B3GALT1: variants seen among roughly 807,000 people sequenced by gnomAD.
B3GALT1 encodes UDP-Gal:betaGlcNAc beta 1,3-galactosyltransferase, polypeptide 1.
A neutral mutation model predicts 23.2 loss-of-function variants in B3GALT1; 10 were observed. That is an observed-to-expected ratio of 0.43 (90% CI 0.27 to 0.73). The LOEUF (loss-of-function observed/expected upper bound fraction) is 0.73, where lower values mean the gene tolerates loss of function less well. B3GALT1 is among the 30% of genes least tolerant of loss of function. The pLI, the probability that B3GALT1 is intolerant of heterozygous loss-of-function variation, is 0.21. For missense variants in B3GALT1, 299 were observed against 405.4 expected (o/e 0.74, Z 2.25); for synonymous variants, 156 against 141.5 (o/e 1.10, Z -0.73).
At chr2:167,350,559 A>G (rs1176556198) in intron 1 of B3GALT1, among the ~76,000 whole-genome samples, 1 of 152,192 alleles carries the variant, frequency 6.6e-6, no homozygotes, top group African/African-American at 2.4e-5. Context: ...CTTAGAGCAC[A>G]TCTAGTACAC....
intron 2 of B3GALT1, among the ~76,000 whole-genome samples, chr2:167,492,135 C>T (rs986483642): frequency 6.6e-6 from 1 of 152,174 alleles, no homozygotes; most frequent in Non-Finnish European, 1.5e-5. Flanking sequence ...CTCTGATTCC[C>T]TCTTCTCTCC....
chr2:167,340,935 A>G (rs2105247686), intron 1 of B3GALT1, among the ~76,000 whole-genome samples: 1 of 152,328 alleles, frequency 6.6e-6, no homozygotes, highest in East Asian at 1.9e-4. Flanking sequence ...TCAAGATTAC[A>G]AAGGAAATAG....
chr2:167,457,666 T>C (rs1559103143), intron 1 of B3GALT1, among the ~76,000 whole-genome samples: 1 of 152,170 alleles, frequency 6.6e-6, no homozygotes, highest in Non-Finnish European at 1.5e-5. Context: ...AAGCAAATTC[T>C]GAGGACCAGC....
intron 2 of B3GALT1, among the ~76,000 whole-genome samples, chr2:167,589,585 A>C (rs892058338): frequency 6.6e-6 from 1 of 152,182 alleles, no homozygotes; most frequent in Non-Finnish European, 1.5e-5. Flanking sequence ...CAAATTTAAT[A>C]TTCCAGTTTT....
At chr2:167,491,503 TTAAC>T (rs1182195308) in intron 2 of B3GALT1, among the ~76,000 whole-genome samples, 3 of 140,778 alleles carry the variant, frequency 2.1e-5, no homozygotes, top group Non-Finnish European at 1.5e-5. Context: ...TTTTTTTTCA[TTAAC>T]AGACTTTTTA....
At chr2:167,560,676 CTT>C (rs1683962530) in intron 2 of B3GALT1, among the ~76,000 whole-genome samples, 1 of 151,618 alleles carries the variant, frequency 6.6e-6, no homozygotes. Context: ...ATAAAACAGA[CTT>C]TAAACCAACA....
At chr2:167,448,245 G>A (rs974193772) in intron 1 of B3GALT1, among the ~76,000 whole-genome samples, 5 of 151,930 alleles carry the variant, frequency 3.3e-5, no homozygotes, top group Admixed American at 6.6e-5. Context: ...TACCAGCAGT[G>A]GAAAAGTGTT....
intron 3 of B3GALT1, among the ~76,000 whole-genome samples, chr2:167,702,595 T>G (rs763362818): frequency 1.4e-4 from 21 of 152,212 alleles, no homozygotes; most frequent in Non-Finnish European, 2.4e-4. Flanking sequence ...TAACATTATG[T>G]GATGATTACA....
intron 2 of B3GALT1, among the ~76,000 whole-genome samples, chr2:167,627,871 T>C (rs984010936): frequency 4.3e-4 from 66 of 151,762 alleles, no homozygotes; most frequent in Admixed American, 3.2e-3. Flanking sequence ...ATTATGAGTA[T>C]TCATATGAAT....
intron 2 of B3GALT1, among the ~76,000 whole-genome samples, chr2:167,562,075 A>G (rs1179033190): frequency 2.0e-5 from 3 of 152,204 alleles, no homozygotes; most frequent in Admixed American, 6.5e-5. Context: ...CTGGCAAACC[A>G]ATTCCAGCAG....
At chr2:167,433,987 G>T (rs1698741006) in intron 1 of B3GALT1, among the ~76,000 whole-genome samples, 1 of 151,014 alleles carries the variant, frequency 6.6e-6, no homozygotes, top group South Asian at 2.1e-4. Context: ...GATATAATTT[G>T]GCAGATCACA....
At chr2:167,776,220 A>G (rs1054321794) in intron 3 of B3GALT1, among the ~76,000 whole-genome samples, 4 of 152,166 alleles carry the variant, frequency 2.6e-5, no homozygotes, top group African/African-American at 7.2e-5. Flanking sequence ...AGATACTTTG[A>G]TATTGAATGA....
intron 1 of B3GALT1, among the ~76,000 whole-genome samples, chr2:167,349,080 G>A (rs1050315496): frequency 5.3e-5 from 8 of 152,170 alleles, no homozygotes; most frequent in African/African-American, 1.9e-4. Context: ...ATAGGTAACT[G>A]TATACAGTAC....
intron 3 of B3GALT1, among the ~76,000 whole-genome samples, chr2:167,757,793 A>C (rs983057995): frequency 5.3e-5 from 8 of 152,100 alleles, no homozygotes; most frequent in African/African-American, 1.9e-4. Flanking sequence ...TCTGGGGTGC[A>C]CCTTATAAAG....
chr2:167,699,284 AG>A (rs1478742482), intron 3 of B3GALT1, among the ~76,000 whole-genome samples: 2 of 151,910 alleles, frequency 1.3e-5, no homozygotes, highest in African/African-American at 4.8e-5. Context: ...ATCTTTATAA[AG>A]ATAGGTTTGT....
intron 2 of B3GALT1, among the ~76,000 whole-genome samples, chr2:167,563,021 CA>C (rs2105391032): frequency 6.6e-6 from 1 of 152,248 alleles, no homozygotes; most frequent in African/African-American, 2.4e-5. Context: ...CAGTACAGAA[CA>C]AAATGAAAAG....
intron 2 of B3GALT1, among the ~76,000 whole-genome samples, chr2:167,498,975 G>C (rs1176028599): frequency 6.6e-6 from 1 of 152,088 alleles, no homozygotes; most frequent in Admixed American, 6.6e-5. Context: ...TACAAAAACA[G>C]CCTGCTTGGT....
intron 2 of B3GALT1, among the ~76,000 whole-genome samples, chr2:167,607,381 A>G (rs1350357260): frequency 6.6e-6 from 1 of 152,146 alleles, no homozygotes; most frequent in Non-Finnish European, 1.5e-5. Context: ...ATGTAGAATT[A>G]TGGAGTAGGT....
At chr2:167,795,062 A>T (rs964015869) in intron 3 of B3GALT1, among the ~76,000 whole-genome samples, 15 of 152,148 alleles carry the variant, frequency 9.9e-5, no homozygotes, top group African/African-American at 3.6e-4. Context: ...AGGAGAGGTA[A>T]CCCGGTTACT....
Sources: allele counts gnomAD v4.1 joint callset (sites outside exome capture counted in the v4.1 genomes callset), GRCh38; gene constraint gnomAD v4.1.1; transcripts MANE v1.5; gene names NCBI Gene and HGNC (gene_info 2026-07-23, HGNC 2026-07-21).